FAM227B: variants seen among roughly 807,000 people sequenced by gnomAD.
FAM227B encodes the protein protein FAM227B.
A neutral mutation model predicts 73.8 loss-of-function variants in FAM227B; 88 were observed. The ratio of observed to expected loss-of-function variants is 1.19; its 90% CI spans 1.00 to 1.42. FAM227B has a LOEUF of 1.42. FAM227B is among the 40% of genes most tolerant of loss of function. The pLI is 0.00. For missense variants in FAM227B, 632 were observed against 590.9 expected, an observed-to-expected ratio of 1.07 and a Z score of -0.72; for synonymous variants, 210 against 190.5, an observed-to-expected ratio of 1.10 and a Z score of -0.84.
At chr15:49,447,198 A>G (rs2052302664) in intron 11 of FAM227B, among the ~76,000 whole-genome samples, 1 of 151,648 alleles carries the variant, frequency 6.6e-6, no homozygotes, top group South Asian at 2.1e-4. Flanking sequence ...TATATAATCC[A>G]CCAGGCCCAT....
rs139243732 is a variant in FAM227B, at chr15:49,580,671, T to C, written c.406-3007A>G. Among the ~76,000 whole-genome samples, 1,407 of 152,184 alleles carry C rather than the reference T, an allele frequency of 9.2e-3. 26 individuals carry two copies. The highest frequency in any genetic ancestry group is 0.015 in the Non-Finnish European group (1,032 of 67,990). The stretch of plus-strand genomic sequence containing the variant: ...AATGACAGGCAAAGAATTCAGAACA[T>C]GGATAGAAATAAAGATCATGAAAAT... On this transcript the variant is annotated intron_variant, in intron 5 of 15. Coordinates refer to ENST00000299338, the MANE Select transcript of FAM227B (RefSeq NM_152647.3).
At chr15:49,366,681 C>G in intron 13 of FAM227B, 1 of 1,512,174 alleles carries the variant, frequency 6.6e-7, no homozygotes, top group South Asian at 1.1e-5. Flanking sequence ...CGCTGCGGCC[C>G]CATCGGACTG....
At chr15:49,537,831 T>C (rs1348091059) in intron 10 of FAM227B, among the ~76,000 whole-genome samples, 1 of 152,188 alleles carries the variant, frequency 6.6e-6, no homozygotes, top group Non-Finnish European at 1.5e-5. Context: ...AAATATTTCA[T>C]GATCTCACTG....
chr15:49,538,537 T>A (rs1313105517), intron 10 of FAM227B, among the ~76,000 whole-genome samples: 1 of 152,156 alleles, frequency 6.6e-6, no homozygotes, highest in Non-Finnish European at 1.5e-5. Context: ...AATGCTCCAG[T>A]GGGTCAAGGC....
chr15:49,355,753 C>T (rs2043046451), intron 13 of FAM227B, among the ~76,000 whole-genome samples: 1 of 151,494 alleles, frequency 6.6e-6, no homozygotes, highest in Admixed American at 6.6e-5. Flanking sequence ...CACAAAGATA[C>T]TCCTCGAGAA....
intron 9 of FAM227B, among the ~76,000 whole-genome samples, chr15:49,566,043 C>T (rs1244709762): frequency 2.6e-5 from 4 of 152,080 alleles, no homozygotes; most frequent in African/African-American, 9.7e-5. Context: ...CTCCTGGCCG[C>T]CACAGCTAAG....
rs553628122 is a variant in FAM227B, at chr15:49,328,903, A to G, written c.1420-228T>C. The G allele has an allele frequency of 2.3e-5, 28 of 1,242,052 alleles. No homozygotes were observed. In the East Asian group the frequency reaches 8.4e-4, roughly 37 times the overall value. 76.9% of individuals were successfully genotyped at this position (1,242,052 alleles called of 1,614,324 possible). A position where few individuals can be genotyped will look rare whatever the true frequency, so the allele number is the denominator to read the frequency against. On this transcript the variant is annotated intron_variant, in intron 15 of 15. Coordinates refer to ENST00000299338, the MANE Select transcript of FAM227B (RefSeq NM_152647.3). ...GGCCCTGAGCTATCTCCATTACTTAATAGAAAAACTTAGATAAAAAACACT... is the reference window on the plus strand; with the variant it reads ...GGCCCTGAGCTATCTCCATTACTTAGTAGAAAAACTTAGATAAAAAACACT...
intron 11 of FAM227B, among the ~76,000 whole-genome samples, chr15:49,506,776 A>G (rs907273044): frequency 2.6e-5 from 4 of 152,104 alleles, no homozygotes; most frequent in African/African-American, 7.2e-5. Context: ...AAAATACAAC[A>G]TATCTAAATA....
intron 13 of FAM227B, chr15:49,354,098 C>T (rs552081965): frequency 6.6e-6 from 1 of 152,264 alleles, no homozygotes; most frequent in African/African-American, 2.4e-5. Flanking sequence ...ACAGATAATT[C>T]ACAACAGATT....
intron 8 of FAM227B, among the ~76,000 whole-genome samples, chr15:49,574,009 A>T (rs962348019): frequency 6.6e-6 from 1 of 152,170 alleles, no homozygotes; most frequent in African/African-American, 2.4e-5. Context: ...TGACCACTTC[A>T]ACATTATAAA....
chr15:49,379,478 A>T (rs1041676959), intron 11 of FAM227B, among the ~76,000 whole-genome samples: 1 of 152,114 alleles, frequency 6.6e-6, no homozygotes, highest in African/African-American at 2.4e-5. Flanking sequence ...TTTGTTATTC[A>T]TCTGTTGAGG....
chr15:49,510,119 A>G (rs2152118629), intron 10 of FAM227B, among the ~76,000 whole-genome samples: 1 of 152,238 alleles, frequency 6.6e-6, no homozygotes, highest in Admixed American at 6.5e-5. Context: ...AATTTTAGGC[A>G]TTCTATTGAC....
chr15:49,480,534 G>C (rs1193181876), intron 11 of FAM227B, among the ~76,000 whole-genome samples: 1 of 148,426 alleles, frequency 6.7e-6, no homozygotes, highest in African/African-American at 2.5e-5. Context: ...TAGGCTAGAG[G>C]GCAGTGGCGC....
intron 11 of FAM227B, among the ~76,000 whole-genome samples, chr15:49,394,833 T>C (rs996196373): frequency 4.6e-5 from 7 of 152,170 alleles, no homozygotes; most frequent in African/African-American, 1.4e-4. Flanking sequence ...TGGAAAATGT[T>C]TGTAATTGTT....
At chr15:49,536,251 A>T (rs73402200) in intron 10 of FAM227B, among the ~76,000 whole-genome samples, 4,362 of 151,902 alleles carry the variant, frequency 0.029, 218 homozygotes, top group African/African-American at 0.1. Context: ...AAGTCAATAT[A>T]CAATAACCAA....
At chr15:49,593,135 C>A (rs534687728) in intron 3 of FAM227B, among the ~76,000 whole-genome samples, 1 of 152,188 alleles carries the variant, frequency 6.6e-6, no homozygotes, top group Non-Finnish European at 1.5e-5. Flanking sequence ...TGACCCCTTG[C>A]GCTTCCTGGG....
At chr15:49,379,102 G>A (rs972093882) in intron 11 of FAM227B, among the ~76,000 whole-genome samples, 1 of 152,094 alleles carries the variant, frequency 6.6e-6, no homozygotes, top group African/African-American at 2.4e-5. Context: ...TACATTGATC[G>A]ATTTGCATAT....
At chr15:49,589,637 G>A (rs549447619) in intron 4 of FAM227B, 139 bp downstream of exon 4, 3 of 614,860 alleles carry the variant, frequency 4.9e-6, no homozygotes, top group South Asian at 2.0e-5. Flanking sequence ...GACTGGCCAG[G>A]TGCACTGGCT....
intron 11 of FAM227B, among the ~76,000 whole-genome samples, chr15:49,392,061 C>G (rs1176784508): frequency 6.6e-6 from 1 of 152,022 alleles, no homozygotes; most frequent in Non-Finnish European, 1.5e-5. Flanking sequence ...AAGAATACAG[C>G]CTTTAACAGT....
Sources: gnomAD v4.1 joint callset for allele counts (sites outside exome capture counted in the v4.1 genomes callset) on GRCh38, gnomAD v4.1.1 for gene constraint, MANE v1.5 for transcripts, NCBI Gene and HGNC (gene_info 2026-07-23, HGNC 2026-07-21) for gene names.